The following FBXO42 variants were observed in gnomAD, a reference collection of about 807,000 sequenced individuals.
FBXO42 encodes F-box only protein 42.
FBXO42 carries 12 observed loss-of-function variants against 71.7 expected under a neutral mutation model. The ratio of observed to expected loss-of-function variants is 0.17; its 90% CI spans 0.11 to 0.27. FBXO42 has a LOEUF of 0.27. FBXO42 is among the 10% of genes least tolerant of loss of function. The pLI is 1.00. For missense variants in FBXO42, 707 were observed against 911.9 expected (o/e 0.78, Z 2.89); for synonymous variants, 325 against 327.5 (o/e 0.99, Z 0.08).
chr1:16,261,388 T>A (rs1033559588), intron 4 of FBXO42, among the ~76,000 whole-genome samples: 1 of 152,222 alleles, frequency 6.6e-6, no homozygotes, highest in East Asian at 1.9e-4. Context: ...TCAGATATCT[T>A]GACCTTTTAG....
chr1:16,335,995 A>C (rs984782105), intron 1 of FBXO42, among the ~76,000 whole-genome samples: 4 of 151,778 alleles, frequency 2.6e-5, no homozygotes, highest in African/African-American at 9.7e-5. Context: ...ACAATGGCGC[A>C]ATCTCGGCTC....
intron 3 of FBXO42, among the ~76,000 whole-genome samples, chr1:16,304,686 G>C (rs2082231431): frequency 6.6e-6 from 1 of 152,014 alleles, no homozygotes; most frequent in Non-Finnish European, 1.5e-5. Flanking sequence ...AAAAAGCAGA[G>C]GGCTGGGCGC....
At chr1:16,308,577 A>G (rs2082279225) in intron 2 of FBXO42, among the ~76,000 whole-genome samples, 1 of 142,500 alleles carries the variant, frequency 7.0e-6, no homozygotes, top group Admixed American at 7.5e-5. Context: ...CCCGTTCACC[A>G]CAATCTCTGC....
intron 1 of FBXO42, among the ~76,000 whole-genome samples, chr1:16,327,068 T>C (rs1038380231): frequency 3.3e-5 from 5 of 152,152 alleles, no homozygotes; most frequent in Non-Finnish European, 5.9e-5. Flanking sequence ...GAGTGTACAC[T>C]ACTTGAGAGC....
Position 16,278,316 on chromosome 1 carries a change from C to A in FBXO42, c.502+16467G>T, listed in dbSNP as rs182640293. On this transcript the variant is annotated intron_variant, in intron 4 of 9. Coordinates refer to ENST00000375592, the MANE Select transcript of FBXO42 (RefSeq NM_018994.3). ...GGTTGCAGTGAGCCGGAGATCACGC[C>A]ATTGCACTCCAGCCTGGGCAACAAG... 3.3e-3 allele frequency among the ~76,000 whole-genome samples: 492 copies of A among 151,060 alleles called. 16 individuals carry two copies. The highest frequency in any genetic ancestry group is 1.8e-3 in the East Asian group (9 of 5,090).
At chr1:16,284,358 T>C (rs2081999194) in intron 4 of FBXO42, among the ~76,000 whole-genome samples, 1 of 152,184 alleles carries the variant, frequency 6.6e-6, no homozygotes, top group Non-Finnish European at 1.5e-5. Context: ...CAATCACATA[T>C]TCCCTTTTGT....
At chr1:16,319,591 T>A (rs1455163140) in intron 1 of FBXO42, among the ~76,000 whole-genome samples, 4 of 152,158 alleles carry the variant, frequency 2.6e-5, no homozygotes, top group African/African-American at 9.7e-5. Context: ...AAGAGTATTA[T>A]AATGGGTTTC....
intron 1 of FBXO42, among the ~76,000 whole-genome samples, chr1:16,315,960 T>C (rs958505732): frequency 2.0e-5 from 3 of 151,714 alleles, no homozygotes; most frequent in Non-Finnish European, 4.4e-5. Flanking sequence ...CACCTGAAGT[T>C]GGGAGTTTGA....
intron 1 of FBXO42, among the ~76,000 whole-genome samples, chr1:16,316,398 T>G (rs2082366692): frequency 6.6e-6 from 1 of 152,024 alleles, no homozygotes. Context: ...TCATTCTATT[T>G]ATAGCATTCT....
intron 4 of FBXO42, among the ~76,000 whole-genome samples, chr1:16,262,191 T>C (rs1308451039): frequency 6.6e-6 from 1 of 152,210 alleles, no homozygotes; most frequent in Non-Finnish European, 1.5e-5. Flanking sequence ...TGTGTGTGTA[T>C]ATGTATATAT....
chr1:16,321,699 T>A (rs182230219), intron 1 of FBXO42, among the ~76,000 whole-genome samples: 2 of 152,186 alleles, frequency 1.3e-5, no homozygotes, highest in East Asian at 3.9e-4. Context: ...AAGGGTTTTT[T>A]TTTTTTTTTT....
chr1:16,332,067 A>C (rs2082506255), intron 1 of FBXO42, among the ~76,000 whole-genome samples: 1 of 152,148 alleles, frequency 6.6e-6, no homozygotes, highest in Admixed American at 6.6e-5. Flanking sequence ...AAAAAGAAAA[A>C]GAAAAAGTAT....
intron 1 of FBXO42, 21 bp downstream of exon 1, chr1:16,352,234 G>C: frequency 5.1e-6 from 2 of 393,708 alleles, no homozygotes; most frequent in African/African-American, 2.1e-5. Flanking sequence ...TCTGCGGCCC[G>C]GGGAGGAGGA....
chr1:16,326,920 T>TAAA (rs2082457274), intron 1 of FBXO42, among the ~76,000 whole-genome samples: 1 of 152,156 alleles, frequency 6.6e-6, no homozygotes, highest in African/African-American at 2.4e-5. Context: ...TTCAGTTTAC[T>TAAA]ATGAACCATT....
intron 3 of FBXO42, among the ~76,000 whole-genome samples, chr1:16,300,379 T>C (rs1036299603): frequency 8.5e-5 from 13 of 152,216 alleles, no homozygotes; most frequent in Non-Finnish European, 1.8e-4. Flanking sequence ...CAAACAGTTC[T>C]TCACAGTTCT....
chr1:16,309,588 A>G (rs2082290867), intron 2 of FBXO42, among the ~76,000 whole-genome samples: 1 of 152,048 alleles, frequency 6.6e-6, no homozygotes, highest in East Asian at 1.9e-4. Context: ...CACAGTACCA[A>G]AGGCATGATC....
intron 3 of FBXO42, among the ~76,000 whole-genome samples, chr1:16,295,474 T>C (rs2082119110): frequency 6.6e-6 from 1 of 152,120 alleles, no homozygotes; most frequent in African/African-American, 2.4e-5. Context: ...CACTGCAACA[T>C]CTGCCTCCCA....
intron 4 of FBXO42, 120 bp downstream of exon 4, chr1:16,294,663 C>T (rs770814420): frequency 4.1e-6 from 4 of 987,440 alleles, no homozygotes; most frequent in Non-Finnish European, 6.0e-6. Flanking sequence ...GCACATTAAA[C>T]TTAAGGACCT....
intron 4 of FBXO42, among the ~76,000 whole-genome samples, chr1:16,260,008 T>C (rs1014461880): frequency 1.3e-5 from 2 of 152,154 alleles, no homozygotes; most frequent in Non-Finnish European, 2.9e-5. Flanking sequence ...GAAAGTTCTA[T>C]TTAATAGCGG....
Sources: allele counts gnomAD v4.1 joint callset (sites outside exome capture counted in the v4.1 genomes callset), GRCh38; gene constraint gnomAD v4.1.1; transcripts MANE v1.5; gene names NCBI Gene and HGNC (gene_info 2026-07-23, HGNC 2026-07-21).